Variants in TSPAN1 observed in about 807,000 individuals in gnomAD.
TSPAN1 encodes tetraspanin 1, also known as tetraspanin-1.
A neutral mutation model predicts 26.9 loss-of-function variants in TSPAN1; 23 were observed. That is an observed-to-expected ratio of 0.85 (90% CI 0.62 to 1.21). The LOEUF is 1.21. Ranked by LOEUF, TSPAN1 falls within the 50% of genes most tolerant of loss-of-function variation. TSPAN1 has a pLI of 0.00. For synonymous variants in TSPAN1, 115 were observed against 114.8 expected, an observed-to-expected ratio of 1.00 and a Z score of -0.01; for missense variants, 283 against 298.4, an observed-to-expected ratio of 0.95 and a Z score of 0.38.
chr1:46,181,747 T>C (rs1395672383), intron 3 of TSPAN1, among the ~76,000 whole-genome samples: 1 of 151,998 alleles, frequency 6.6e-6, no homozygotes, highest in African/African-American at 2.4e-5. Context: ...AACAACACAG[T>C]GTGTTTGGGC....
intron 3 of TSPAN1, 31 bp downstream of exon 3, chr1:46,181,195 C>A: frequency 1.9e-6 from 3 of 1,601,680 alleles, no homozygotes; most frequent in Non-Finnish European, 2.6e-6. Flanking sequence ...CTCTTTGGGG[C>A]TCCCTATAGG....
At chr1:46,190,503 G>A, downstream of TSPAN1, 1 of 1,607,198 alleles carries the variant, frequency 6.2e-7, no homozygotes, top group Non-Finnish European at 8.5e-7. Flanking sequence ...CACTTCATAA[G>A]CTTCTTTCTT....
chr1:46,177,209 C>T (rs1006326987), intron 1 of TSPAN1, among the ~76,000 whole-genome samples: 7 of 151,986 alleles, frequency 4.6e-5, no homozygotes, highest in Non-Finnish European at 1.0e-4. Flanking sequence ...GTGGTGGGTG[C>T]CTGTAGTCCC....
intron 3 of TSPAN1, 112 bp downstream of exon 3, chr1:46,181,276 T>G (rs1377456696): frequency 9.4e-7 from 1 of 1,064,676 alleles, no homozygotes; most frequent in African/African-American, 1.6e-5. Flanking sequence ...TCGTCCTGCA[T>G]GTGTCCCCTT....
intron 1 of TSPAN1, chr1:46,175,897 G>C: frequency 2.9e-6 from 1 of 348,026 alleles, no homozygotes. Flanking sequence ...TCTTGAGACA[G>C]AGTCTAGCTC....
chr1:46,182,315 A>AAAAAAAAAAAAAAAAAAAAAAAAAAC (rs1426126278), intron 3 of TSPAN1, among the ~76,000 whole-genome samples: 1 of 147,064 alleles, frequency 6.8e-6, no homozygotes, highest in African/African-American at 2.5e-5. Flanking sequence ...AAAAAAAAAA[A>AAAAAAAAAAAAAAAAAAAAAAAAAAC]AAGCCACTGT....
rs1419814776 is a variant in TSPAN1 at position 46,176,473 on chromosome 1, G to T, written c.-142+1064G>T. 6.3e-5 allele frequency: 97 copies of T among 1,535,546 alleles called. 1 individual carries two copies. Among genetic ancestry groups the T allele is most frequent in the Non-Finnish European group, 3.5e-6 (4 of 1,146,802 alleles). On this transcript the variant is annotated intron_variant, in intron 1 of 8. Coordinates refer to ENST00000372003, the MANE Select transcript of TSPAN1 (RefSeq NM_005727.4). Reference sequence around the variant, plus strand: ...ACGGACAAGCCGAGATGGCCCCATGGGCACAGGGAGCTTCTGCAGTGTGCC... The same window carrying T: ...ACGGACAAGCCGAGATGGCCCCATGTGCACAGGGAGCTTCTGCAGTGTGCC...
chr1:46,184,008 A>T, intron 3 of TSPAN1, 183 bp from the exon 4 acceptor site: 1 of 638,404 alleles, frequency 1.6e-6, no homozygotes. Flanking sequence ...GGTCCTAGCT[A>T]TGCATATCCC....
At chr1:46,188,978 G>C, downstream of TSPAN1, 1 of 1,607,068 alleles carries the variant, frequency 6.2e-7, no homozygotes, top group South Asian at 1.1e-5. Context: ...TTCTGAGCCA[G>C]GCCTGGAAAG....
chr1:46,176,580 C>A (rs1403059437), intron 1 of TSPAN1: 8 of 1,350,026 alleles, frequency 5.9e-6, no homozygotes, highest in South Asian at 1.5e-5. Flanking sequence ...TATTACAAGT[C>A]GTGGGCCCTG....
In TSPAN1 at chr1:46,184,844, G is replaced by A. The variant is rs1279173365; in HGVS notation, c.399G>A (p.Gln133=). ...CCATCAAGAAAGATTATGGTTCCCA[G>A]GAAGACTTCACTCAAGTGTGGAACA... ...VPAIKKDYGS[Q]EDFTQVWNTT... Residue 133 remains glutamine, a synonymous_variant, in exon 6 of 9, where the codon CAG becomes CAA. Transcript: ENST00000372003. 3 of 1,614,178 alleles carry A rather than the reference G, an allele frequency of 1.9e-6. No individual in the cohort carries two copies. The highest frequency in any genetic ancestry group is 2.5e-6 in the Non-Finnish European group (3 of 1,180,032).
chr1:46,189,932 G>T (rs1206240703), downstream of TSPAN1: 1 of 1,614,092 alleles, frequency 6.2e-7, no homozygotes, highest in Non-Finnish European at 8.5e-7. Flanking sequence ...GGCCCTCTGT[G>T]TCTGGCAGGA....
chr1:46,193,504 T>C, the TSPAN1 span: 1 of 1,613,818 alleles, frequency 6.2e-7, no homozygotes, highest in Non-Finnish European at 8.5e-7. Flanking sequence ...TGCCCGTCCC[T>C]GGCAATCACT....
At chr1:46,189,796 G>A, downstream of TSPAN1, 1 of 1,609,024 alleles carries the variant, frequency 6.2e-7, no homozygotes, top group Non-Finnish European at 8.5e-7. Context: ...CCTGGATCTT[G>A]GGGCAGTATG....
downstream of TSPAN1, among the ~76,000 whole-genome samples, chr1:46,187,569 C>CAGGA (rs1657461578): frequency 6.6e-6 from 1 of 152,130 alleles, no homozygotes; most frequent in Admixed American, 6.5e-5. Flanking sequence ...AGGGCCAGAC[C>CAGGA]AGGAGCCTGC....
At chr1:46,179,989 T>TGTGTGTGTGTGTGTGTGTGTGTGTGTGTG (rs1657277485) in intron 1 of TSPAN1, among the ~76,000 whole-genome samples, 4 of 135,490 alleles carry the variant, frequency 3.0e-5, no homozygotes, top group African/African-American at 9.4e-5. Flanking sequence ...GTGTGTGTGT[T>TGTGTGTGTGTGTGTGTGTGTGTGTGTGTG]TGTGTGTGTG....
At chr1:46,186,663 T>TG (rs1202255434), downstream of TSPAN1, among the ~76,000 whole-genome samples, 7 of 111,304 alleles carry the variant, frequency 6.3e-5, no homozygotes, top group African/African-American at 9.6e-5. Flanking sequence ...CTAATTTTTG[T>TG]GTTTTTTTTT....
chr1:46,185,159 A>G (rs767059714), intron 7 of TSPAN1, 44 bp downstream of exon 7: 1 of 1,614,190 alleles, frequency 6.2e-7, no homozygotes, highest in Non-Finnish European at 8.5e-7. Flanking sequence ...TCATGGCCTC[A>G]GAGTGGCAAA....
At chr1:46,184,500 G>A (rs1366223473) in intron 4 of TSPAN1, 94 bp from the exon 5 acceptor site, 1 of 1,605,974 alleles carries the variant, frequency 6.2e-7, no homozygotes, top group Non-Finnish European at 8.5e-7. Flanking sequence ...CCTAGGCTCA[G>A]GCTTCTGTCT....
Sources: allele counts gnomAD v4.1 joint callset (sites outside exome capture counted in the v4.1 genomes callset), GRCh38; gene constraint gnomAD v4.1.1; transcripts MANE v1.5; gene names NCBI Gene and HGNC (gene_info 2026-07-23, HGNC 2026-07-21).